RNF19B: variants seen among roughly 807,000 people sequenced by gnomAD.
RNF19B encodes the protein ring finger protein 19B, also known as E3 ubiquitin-protein ligase RNF19B.
Under a neutral mutation model 65.5 loss-of-function variants are expected in RNF19B, and 23 were observed. The observed-to-expected ratio is 0.35, with a 90% CI of 0.25 to 0.50. RNF19B has a LOEUF of 0.50. Ranked by LOEUF, RNF19B falls within the 20% of genes least tolerant of loss-of-function variation. The pLI, the probability that RNF19B is intolerant of heterozygous loss-of-function variation, is 0.98. For synonymous variants in RNF19B, 372 were observed against 379.6 expected (o/e 0.98, Z 0.23); for missense variants, 794 against 980.0 (o/e 0.81, Z 2.53).
At chr1:32,947,229 G>A (rs1328734973) in intron 3 of RNF19B, among the ~76,000 whole-genome samples, 5 of 152,132 alleles carry the variant, frequency 3.3e-5, no homozygotes, top group Non-Finnish European at 5.9e-5. Context: ...TCAAATGTTC[G>A]ACAAATTGGC....
intron 1 of RNF19B, among the ~76,000 whole-genome samples, chr1:32,959,865 G>A (rs970628348): frequency 1.3e-4 from 18 of 142,096 alleles, no homozygotes; most frequent in Non-Finnish European, 1.8e-4. Flanking sequence ...GTGAAACCCC[G>A]TCTCTACTAA....
chr1:32,940,527 G>A (rs1031734153), intron 7 of RNF19B, among the ~76,000 whole-genome samples: 2 of 152,114 alleles, frequency 1.3e-5, no homozygotes, highest in Non-Finnish European at 2.9e-5. Context: ...GGGCTTTCAT[G>A]TTGCTTTTCC....
chr1:32,948,111 CA>C (rs1299675030), intron 3 of RNF19B, 110 bp downstream of exon 3: 36 of 1,167,932 alleles, frequency 3.1e-5, no homozygotes, highest in Non-Finnish European at 4.3e-5. Context: ...GAAGTTTTCA[CA>C]GCTTCCTTAA....
chr1:32,951,612 CA>C (rs1340787004), intron 1 of RNF19B, among the ~76,000 whole-genome samples: 1 of 152,204 alleles, frequency 6.6e-6, no homozygotes, highest in Non-Finnish European at 1.5e-5. Flanking sequence ...GTCACAGAGA[CA>C]ATAAACCCTA....
rs752703301 is a variant in RNF19B at position 32,936,996 on chromosome 1, G to T, written c.2006C>A (p.Ser669Tyr). 6.2e-7 allele frequency: 1 copy of T among 1,614,136 alleles called. No individual in the cohort carries two copies. Among genetic ancestry groups the T allele is most frequent in the East Asian group, 2.2e-5 (1 of 44,876 alleles). ...PESIRSDLES[S>Y]DAQSDDVPDI... ...TGGCACATCGTCTGACTGTGCATCA[G>T]AACTCTCTAGGTCACTGCGGATGCT... The change falls in exon 9 of 9, where the codon TCT becomes TAT. Residue 669 changes from serine (S) to tyrosine (Y), a missense_variant. This residue lies in a region of RNF19B where 368 missense variants were observed against 447.3 expected (regional missense o/e 0.82). Transcript: ENST00000235150.
chr1:32,952,826 C>T (rs533278545), intron 1 of RNF19B, among the ~76,000 whole-genome samples: 1 of 150,806 alleles, frequency 6.6e-6, no homozygotes, highest in South Asian at 2.1e-4. Context: ...GGTGGGAGGA[C>T]TGCTTGAGGC....
chr1:32,952,424 T>C (rs1353234753), intron 1 of RNF19B, among the ~76,000 whole-genome samples: 2 of 122,202 alleles, frequency 1.6e-5, no homozygotes, highest in East Asian at 2.3e-4. Context: ...CAAGACCTTT[T>C]CTCTTAAAAA....
rs768352750 is a variant in RNF19B, at chr1:32,945,617, C to T, written c.1158G>A (p.Arg386=). Residue 386 remains arginine, a synonymous_variant, in exon 5 of 9, where the codon AGG becomes AGA. Transcript: ENST00000235150. ...GTTTGGAGGTTTTCCTTCCCTCATACCTGCTGTGAATCTAAGAATAAAAAA... is the reference window on the plus strand; with the variant it reads ...GTTTGGAGGTTTTCCTTCCCTCATATCTGCTGTGAATCTAAGAATAAAAAA... The part of the protein sequence containing the change: ...PVYVGRKIHS[R]YEGRKTSKHK... The T allele has an allele frequency of 3.4e-5, 54 of 1,604,070 alleles. No individual in the cohort carries two copies. In the South Asian group the frequency reaches 3.4e-4, roughly 10 times the overall value.
chr1:32,937,074 T>G lies in RNF19B; in HGVS notation c.1928A>C (p.Gln643Pro), dbSNP rs1484804200. Residue 643 changes from glutamine to proline, a missense_variant, in exon 9 of 9, where the codon CAG becomes CCG. Coordinates refer to ENST00000235150, the MANE Select transcript of RNF19B (RefSeq NM_001300826.2). Reference protein sequence around the residue: ...DPPCRHQSCEQKDCLASKPWD... With the variant: ...DPPCRHQSCEPKDCLASKPWD... ...AGGTTTGCTGGCCAGGCAGTCTTTC[T>G]GTTCACAGCTTTGGTGTCTGCAGGG... 1.2e-6 allele frequency: 2 copies of G among 1,614,108 alleles called. No individual in the cohort carries two copies. Among genetic ancestry groups the G allele is most frequent in the Non-Finnish European group, 1.7e-6 (2 of 1,180,058 alleles).
chr1:32,955,946 A>G (rs1400308200), intron 1 of RNF19B, among the ~76,000 whole-genome samples: 2 of 152,162 alleles, frequency 1.3e-5, no homozygotes, highest in Non-Finnish European at 2.9e-5. Flanking sequence ...GAATACAGAC[A>G]CAGCTGGGTG....
intron 3 of RNF19B, among the ~76,000 whole-genome samples, chr1:32,947,819 G>A (rs1184231178): frequency 1.3e-5 from 2 of 151,996 alleles, no homozygotes; most frequent in African/African-American, 2.4e-5. Context: ...TATGACAAAA[G>A]ATAAAAGAAA....
chr1:32,942,064 T>A (rs2124120613), intron 7 of RNF19B, among the ~76,000 whole-genome samples, 188 bp downstream of exon 7: 1 of 152,296 alleles, frequency 6.6e-6, no homozygotes, highest in East Asian at 1.9e-4. Flanking sequence ...GCCATGGCAC[T>A]CCAGCCTGAG....
chr1:32,961,430 C>T (rs1642766922), intron 1 of RNF19B, among the ~76,000 whole-genome samples: 1 of 152,174 alleles, frequency 6.6e-6, no homozygotes, highest in Non-Finnish European at 1.5e-5. Flanking sequence ...AAGCCTGGTT[C>T]CACCACTTAC....
In RNF19B at chr1:32,936,886, G is replaced by C. The variant is rs749811909; in HGVS notation, c.2116C>G (p.Pro706Ala). 13 of 1,613,546 alleles carry C rather than the reference G, an allele frequency of 8.1e-6. No homozygotes were observed. The South Asian group carries it at 1.4e-4, about 18-fold the overall frequency. The change falls in exon 9 of 9, where the codon CCA becomes GCA. Residue 706 changes from proline (P) to alanine (A), a missense_variant. Pro to Ala is a conservative substitution (Grantham distance 27). Around this residue, in one of 3 missense-constraint regions of RNF19B, gnomAD observed 368 missense variants for 447.3 expected, o/e 0.82. Coordinates refer to ENST00000235150, the MANE Select transcript of RNF19B (RefSeq NM_001300826.2). The stretch of plus-strand genomic sequence containing the variant: ...GCAGAGAGGTTCATATGGGCACTTG[G>C]GCTCGGTGCACCTTGGGCTCTGGGG... ...STPRAQGAPS[P>A]SAHMNLSALA...
At position 32,963,730 on chromosome 1, in the gene RNF19B, GA is replaced by G. The variant is rs1191998231; in HGVS notation, c.635+320del. Among the ~76,000 whole-genome samples the G allele has an allele frequency of 6.4e-3, 836 of 130,794 alleles. 7 individuals carry two copies. Among genetic ancestry groups the G allele is most frequent in the African/African-American group, 0.016 (539 of 33,956 alleles). The allele number at this position is 130,794 out of a possible 152,430, so 85.8% of individuals were successfully genotyped here. A position where few individuals can be genotyped will look rare whatever the true frequency, so the allele number is the denominator to read the frequency against. On this transcript the variant is annotated intron_variant, in intron 1 of 8. Transcript: ENST00000235150. ...GAGACTCCGTCTCCAAAAAAAAAAA[GA>G]AAAAAAAAAAAAGATACTGTCCTCA... is the stretch of plus-strand genomic sequence containing the variant.
chr1:32,938,391 A>G lies in RNF19B; in HGVS notation c.1742+6T>C. On this transcript the variant is annotated splice_donor_region_variant and intron_variant, in intron 8 of 8. Coordinates refer to ENST00000235150, the MANE Select transcript of RNF19B (RefSeq NM_001300826.2). ...ACCTCTCCTGGACATCTGACTGTTC[A>G]CATACCTGTCCTGTGGGTTGTAGGA... The G allele has an allele frequency of 6.2e-7, 1 of 1,614,118 alleles. No homozygotes were observed. Among genetic ancestry groups the G allele is most frequent in the Non-Finnish European group, 8.5e-7 (1 of 1,180,008 alleles).
chr1:32,945,175 A>C, intron 5 of RNF19B, among the ~76,000 whole-genome samples: 1 of 152,222 alleles, frequency 6.6e-6, no homozygotes, highest in Non-Finnish European at 1.5e-5. Context: ...GCATTAAACA[A>C]ATCAAAACAA....
intron 1 of RNF19B, among the ~76,000 whole-genome samples, chr1:32,959,354 T>C (rs1241138016): frequency 1.3e-5 from 2 of 152,220 alleles, no homozygotes; most frequent in Non-Finnish European, 2.9e-5. Context: ...CCTACTTTGC[T>C]CACCCGTCAG....
At chr1:32,938,564 C>A in intron 7 of RNF19B, 36 bp from the exon 8 acceptor site, 1 of 1,603,366 alleles carries the variant, frequency 6.2e-7, no homozygotes, top group South Asian at 1.1e-5. Context: ...TAATATGAGA[C>A]CTGGGTATTC....
Sources: allele counts gnomAD v4.1 joint callset (sites outside exome capture counted in the v4.1 genomes callset), GRCh38; gene constraint gnomAD v4.1.1; regional missense constraint gnomAD v4.1.1; transcripts MANE v1.5; gene names NCBI Gene and HGNC (gene_info 2026-07-23, HGNC 2026-07-21).